IL21R: variants seen among roughly 807,000 people sequenced by gnomAD.
IL21R encodes the protein interleukin 21 receptor, also known as interleukin-21 receptor.
IL21R carries 14 observed loss-of-function variants against 41.3 expected under a neutral mutation model. That is an observed-to-expected ratio of 0.34 (90% CI 0.22 to 0.53). IL21R has a LOEUF of 0.53. Among genes scored for constraint, IL21R ranks in the 20% least tolerant of loss-of-function variants. The pLI, the probability that IL21R is intolerant of heterozygous loss-of-function variation, is 0.94. For missense variants in IL21R, 588 were observed against 681.6 expected (o/e 0.86, Z 1.53); for synonymous variants, 286 against 287.6 (o/e 0.99, Z 0.05).
At chr16:27,412,535 T>C (rs2086837981) in intron 1 of IL21R, among the ~76,000 whole-genome samples, 1 of 152,056 alleles carries the variant, frequency 6.6e-6, no homozygotes, top group Non-Finnish European at 1.5e-5. Context: ...AAAACTGTCA[T>C]TGAGATTTTG....
chr16:27,426,580 G>A (rs907845169), intron 1 of IL21R, among the ~76,000 whole-genome samples: 13 of 152,216 alleles, frequency 8.5e-5, no homozygotes, highest in South Asian at 4.1e-4. Flanking sequence ...CCGGGGAGAC[G>A]ATGAGTAATT....
At position 27,434,733 on chromosome 16, in the gene IL21R, C is replaced by T. The variant is rs3093330; in HGVS notation, c.152+284C>T. On this transcript the variant is annotated intron_variant, in intron 3 of 8. Coordinates refer to ENST00000337929, the MANE Select transcript of IL21R (RefSeq NM_181078.3). ...CTTAGGTACCAGGCCCCCAACTACA[C>T]GCTTCCCATGAATGGTCACCCCCAA... Among the ~76,000 whole-genome samples, 15,219 of 152,148 alleles carry T rather than the reference C, an allele frequency of 0.1. 1,006 individuals carry two copies. Among genetic ancestry groups the T allele is most frequent in the African/African-American group, 0.18 (7,330 of 41,496 alleles).
At chr16:27,418,300 C>T (rs548740872) in intron 1 of IL21R, among the ~76,000 whole-genome samples, 2 of 151,856 alleles carry the variant, frequency 1.3e-5, no homozygotes, top group South Asian at 4.2e-4. Flanking sequence ...GATCTCCTGA[C>T]CTTGTGATCT....
intron 4 of IL21R, among the ~76,000 whole-genome samples, chr16:27,439,215 C>A (rs778331168): frequency 7.2e-5 from 11 of 152,176 alleles, no homozygotes; most frequent in Non-Finnish European, 1.6e-4. Context: ...TTCCCAGGGT[C>A]ACAGACTCAC....
At chr16:27,441,178 CCT>C (rs2087383256) in intron 4 of IL21R, among the ~76,000 whole-genome samples, 1 of 152,092 alleles carries the variant, frequency 6.6e-6, no homozygotes, top group Non-Finnish European at 1.5e-5. Flanking sequence ...GCCTGCAACT[CCT>C]CTCTGACACT....
At chr16:27,446,133 T>TTTTCAGGAGCCCCACCTCCC (rs765604927) in intron 8 of IL21R, 45 bp downstream of exon 8, 1 of 1,527,642 alleles carries the variant, frequency 6.5e-7, no homozygotes, top group South Asian at 1.1e-5. Flanking sequence ...CCCCTCCTCC[T>TTTTCAGGAGCCCCACCTCCC]CTTCAGGAGC....
rs1340888624 is a variant in IL21R at position 27,446,031 on chromosome 16, C to T, written c.810C>T (p.Val270=). The T allele has an allele frequency of 6.2e-7, 1 of 1,613,510 alleles. No homozygotes were observed. The highest frequency in any genetic ancestry group is 8.5e-7 in the Non-Finnish European group (1 of 1,179,732). ...GGCTATGGAAGAAGATATGGGCCGT[C>T]CCCAGCCCTGAGCGGTTCTTCATGC... ...LWRLWKKIWA[V]PSPERFFMPL... Residue 270 remains valine, a synonymous_variant, in exon 8 of 9, where the codon GTC becomes GTT. Transcript: ENST00000337929.
intron 1 of IL21R, among the ~76,000 whole-genome samples, chr16:27,418,065 A>ATTTTAT (rs752875457): frequency 1.4e-5 from 1 of 73,820 alleles, no homozygotes. Context: ...ATTTTATTTT[A>ATTTTAT]TTTATGTTAT....
intron 1 of IL21R, among the ~76,000 whole-genome samples, chr16:27,409,765 A>C (rs1440601424): frequency 6.6e-6 from 1 of 152,180 alleles, no homozygotes; most frequent in Non-Finnish European, 1.5e-5. Context: ...TTACTTTATA[A>C]ATCTTGACAT....
In IL21R at chr16:27,451,685, C is replaced by G. The variant is rs2087601312; in HGVS notation, c.*2402C>G. 1.3e-5 allele frequency: 3 copies of G among 226,086 alleles called. No homozygotes were observed. The highest frequency in any genetic ancestry group is 8.8e-6 in the Non-Finnish European group (1 of 113,568). 14.0% of individuals were successfully genotyped at this position (226,086 alleles called of 1,614,324 possible). ...AGTGAGCTGTGATTACACCGTTGCA[C>G]TCCAGCCTGGGTCACAGATCAAGAC... is the stretch of plus-strand genomic sequence containing the variant. On this transcript the variant is annotated 3_prime_UTR_variant, in exon 9 of 9. Coordinates refer to ENST00000337929, the MANE Select transcript of IL21R (RefSeq NM_181078.3).
chr16:27,412,829 C>A (rs929150089), intron 1 of IL21R, among the ~76,000 whole-genome samples: 1 of 152,060 alleles, frequency 6.6e-6, no homozygotes, highest in Admixed American at 6.5e-5. Flanking sequence ...GACTTTGTAT[C>A]CTGCAACTTT....
rs142363464 is a variant in IL21R at position 27,420,009 on chromosome 16, T to G, written c.-16-10047T>G. 2.8e-3 allele frequency among the ~76,000 whole-genome samples: 428 copies of G among 151,972 alleles called. 3 individuals carry two copies. Among genetic ancestry groups the G allele is most frequent in the African/African-American group, 9.7e-3 (402 of 41,438 alleles). ...TTCAAGTGATTCTCCTGCCTCGGCC[T>G]CCTGAGTAGCTGGGACTACAGGCAT... is the stretch of plus-strand genomic sequence containing the variant. On this transcript the variant is annotated intron_variant, in intron 1 of 8. Transcript: ENST00000337929.
intron 4 of IL21R, among the ~76,000 whole-genome samples, chr16:27,440,248 T>TATATATAGAGAGAGAGAGAGAGAGAG (rs1352160946): frequency 1.6e-5 from 1 of 64,042 alleles, no homozygotes; most frequent in Non-Finnish European, 2.7e-5. Context: ...TATATATATA[T>TATATATAGAGAGAGAGAGAGAGAGAG]AGAGAGAGAG....
intron 1 of IL21R, among the ~76,000 whole-genome samples, chr16:27,408,882 A>G (rs1323498623): frequency 6.6e-6 from 1 of 152,220 alleles, no homozygotes; most frequent in Non-Finnish European, 1.5e-5. Flanking sequence ...TGTGACAGAA[A>G]AAAGATACAG....
At chr16:27,418,290 G>A (rs529179948) in intron 1 of IL21R, among the ~76,000 whole-genome samples, 28 of 151,696 alleles carry the variant, frequency 1.8e-4, no homozygotes, top group African/African-American at 5.8e-4. Flanking sequence ...GGATGGTCTC[G>A]ATCTCCTGAC....
In IL21R at chr16:27,449,054, T is replaced by A. The variant is rs1256911807; in HGVS notation, c.1388T>A (p.Leu463Gln). 6.2e-7 allele frequency: 1 copy of A among 1,612,234 alleles called. No homozygotes were observed. The highest frequency in any genetic ancestry group is 1.7e-5 in the Admixed American group (1 of 59,968). Residue 463 changes from leucine to glutamine, a missense_variant, in exon 9 of 9, where the codon CTG (leucine) becomes CAG (glutamine). Leu to Gln is a moderately radical substitution (Grantham distance 113, BLOSUM62 -2). Coordinates refer to ENST00000337929, the MANE Select transcript of IL21R (RefSeq NM_181078.3). Reference protein sequence around the residue: ...LADGEDWAGGLPWGGRSPGGV... With the variant: ...LADGEDWAGGQPWGGRSPGGV... ...GATGGGGAGGACTGGGCTGGGGGAC[T>A]GCCCTGGGGTGGCCGGTCACCTGGA...
At chr16:27,410,804 A>G (rs1032155436) in intron 1 of IL21R, among the ~76,000 whole-genome samples, 14 of 152,346 alleles carry the variant, frequency 9.2e-5, no homozygotes, top group African/African-American at 3.4e-4. Flanking sequence ...CTCTATACCC[A>G]TTGAAAAACA....
intron 2 of IL21R, among the ~76,000 whole-genome samples, 186 bp from the exon 3 acceptor site, chr16:27,434,161 G>A (rs956070013): frequency 4.3e-5 from 6 of 138,626 alleles, no homozygotes; most frequent in African/African-American, 1.7e-4. Context: ...CTCAAACAAG[G>A]AATTTCCAGG....
At chr16:27,408,537 G>A (rs1020924476) in intron 1 of IL21R, among the ~76,000 whole-genome samples, 11 of 152,224 alleles carry the variant, frequency 7.2e-5, no homozygotes, top group Admixed American at 5.2e-4. Flanking sequence ...TGTAGCTATA[G>A]CAGGAAGGTC....
Sources: gnomAD v4.1 joint callset for allele counts (sites outside exome capture counted in the v4.1 genomes callset) on GRCh38, gnomAD v4.1.1 for gene constraint, MANE v1.5 for transcripts, NCBI Gene and HGNC (gene_info 2026-07-23, HGNC 2026-07-21) for gene names.